Variants in TENT5D observed in about 807,000 individuals in gnomAD.
TENT5D encodes terminal nucleotidyltransferase 5D, also known as cancer/testis antigen 112.
For missense variants in TENT5D, 191 were observed against 287.0 expected (o/e 0.67, Z 2.42); for synonymous variants, 103 against 100.6 (o/e 1.02, Z -0.15).
chrX:80,426,872 G>A (rs1931997629), intron 1 of TENT5D, among the ~76,000 whole-genome samples: 1 of 111,671 alleles, frequency 9.0e-6, no homozygotes. Flanking sequence ...CACATGTTGT[G>A]GAAGTGACCC....
At chrX:80,336,951 G>T (rs1055426705) in intron 2 of TENT5D, among the ~76,000 whole-genome samples, 2 of 111,713 alleles carry the variant, frequency 1.8e-5, no homozygotes, top group African/African-American at 3.2e-5. Flanking sequence ...TTAAGAAGTG[G>T]TTTTTGTTTT....
chrX:80,366,208 A>AGTGTGTGTGTGT lies in TENT5D; in HGVS notation c.-142+23665_-142+23676dup, dbSNP rs3087109. Reference sequence around the variant, plus strand: ...AGAGAGAGAAAGAGAGAAGACAGGGAGTGTGTGTGTGTGTGTGTGTGTGTG... The same window carrying AGTGTGTGTGTGT: ...AGAGAGAGAAAGAGAGAAGACAGGGAGTGTGTGTGTGTGTGTGTGTGTGTGTGTGTGTGTGTG... On this transcript the variant is annotated intron_variant, in intron 3 of 4. Transcript: ENST00000538312. Among the ~76,000 whole-genome samples, 763 of 98,450 alleles carry AGTGTGTGTGTGT rather than the reference A, an allele frequency of 7.8e-3. 10 individuals carry two copies. The highest frequency in any genetic ancestry group is 0.038 in the East Asian group (115 of 3,049). The allele number at this position is 98,450 out of a possible 115,157, so 85.5% of individuals were successfully genotyped here.
At chrX:80,338,778 T>C (rs1446612728) in intron 2 of TENT5D, among the ~76,000 whole-genome samples, 1 of 112,254 alleles carries the variant, frequency 8.9e-6, no homozygotes, top group Non-Finnish European at 1.9e-5. Flanking sequence ...GTGTCATATT[T>C]CTCAAACTTT....
intron 1 of TENT5D, among the ~76,000 whole-genome samples, chrX:80,423,421 G>T (rs1008628865): frequency 7.2e-5 from 8 of 111,752 alleles, no homozygotes; most frequent in African/African-American, 9.8e-5. Flanking sequence ...AGACAGTGGG[G>T]CCCAAAGGGG....
intron 3 of TENT5D, among the ~76,000 whole-genome samples, chrX:80,405,457 A>T (rs1327698352): frequency 1.8e-5 from 2 of 112,937 alleles, no homozygotes; most frequent in East Asian, 2.8e-4. Flanking sequence ...GCAAGGGGTC[A>T]GGGAGTTCCC....
At chrX:80,372,004 C>A (rs929285080) in intron 3 of TENT5D, among the ~76,000 whole-genome samples, 3 of 111,208 alleles carry the variant, frequency 2.7e-5, no homozygotes, top group Non-Finnish European at 5.6e-5. Flanking sequence ...AAGACTAAAT[C>A]CTGAATGCCA....
chrX:80,404,855 G>T (rs186155129), intron 3 of TENT5D, among the ~76,000 whole-genome samples: 8 of 111,831 alleles, frequency 7.2e-5, no homozygotes, highest in African/African-American at 1.3e-4. Flanking sequence ...TTAATTTAAA[G>T]AATTTTTATA....
At chrX:80,358,908 A>C (rs905926632) in intron 3 of TENT5D, among the ~76,000 whole-genome samples, 27 of 112,204 alleles carry the variant, frequency 2.4e-4, no homozygotes, top group African/African-American at 8.7e-4. Flanking sequence ...ATAAGACTTA[A>C]AAGATTTGGA....
chrX:80,428,041 A>G (rs1369458064), intron 1 of TENT5D, among the ~76,000 whole-genome samples: 1 of 112,494 alleles, frequency 8.9e-6, no homozygotes, highest in African/African-American at 3.2e-5. Flanking sequence ...TAAGCTGAGC[A>G]CTTTTTAAGA....
At chrX:80,340,308 C>CA (rs929222707) in intron 2 of TENT5D, among the ~76,000 whole-genome samples, 22 of 110,840 alleles carry the variant, frequency 2.0e-4, no homozygotes, top group Non-Finnish European at 3.2e-4. Flanking sequence ...CAAAGCAAAA[C>CA]AAAAAAGGCT....
At chrX:80,358,499 A>G (rs754204930) in intron 3 of TENT5D, among the ~76,000 whole-genome samples, 1 of 112,566 alleles carries the variant, frequency 8.9e-6, no homozygotes, top group African/African-American at 3.2e-5. Flanking sequence ...GTGATCAGAC[A>G]CTTCACAAAG....
chrX:80,376,513 C>G (rs1930730873), intron 3 of TENT5D, among the ~76,000 whole-genome samples: 1 of 111,290 alleles, frequency 9.0e-6, no homozygotes, highest in Non-Finnish European at 1.9e-5. Context: ...TTAAATTTAA[C>G]AGAATGTGCA....
At position 80,357,275 on chromosome X, in the gene TENT5D, C is replaced by A. The variant is rs1160507301; in HGVS notation, c.-142+14711C>A. 1.8e-5 allele frequency among the ~76,000 whole-genome samples: 2 copies of A among 110,223 alleles called. 1 individual carries two copies. The highest frequency in any genetic ancestry group is 3.8e-5 in the Non-Finnish European group (2 of 52,803). On this transcript the variant is annotated intron_variant, in intron 3 of 4. Transcript: ENST00000538312. Reference sequence around the variant, plus strand: ...GATTTATAATCCTTTGGGTATATACCCAGTAATGGGATGGCTGGGTCAAAT... The same window carrying A: ...GATTTATAATCCTTTGGGTATATACACAGTAATGGGATGGCTGGGTCAAAT...
intron 3 of TENT5D, among the ~76,000 whole-genome samples, chrX:80,381,855 A>G (rs1408426407): frequency 1.8e-5 from 2 of 111,668 alleles, no homozygotes; most frequent in African/African-American, 6.5e-5. Flanking sequence ...TTAGCCATTC[A>G]TCTAATCTTT....
At chrX:80,430,993 G>A (rs1408762494) in intron 1 of TENT5D, among the ~76,000 whole-genome samples, 1 of 111,529 alleles carries the variant, frequency 9.0e-6, no homozygotes, top group East Asian at 2.8e-4. Context: ...CTTTAACAGA[G>A]GGAGTGTTTT....
chrX:80,365,074 G>A (rs1004259037), intron 3 of TENT5D, among the ~76,000 whole-genome samples: 1 of 110,358 alleles, frequency 9.1e-6, no homozygotes, highest in Admixed American at 9.7e-5. Flanking sequence ...GTTTCTTTCT[G>A]GTATGGAGAT....
At chrX:80,403,276 G>C (rs1407362234) in intron 3 of TENT5D, among the ~76,000 whole-genome samples, 1 of 111,698 alleles carries the variant, frequency 9.0e-6, no homozygotes, top group African/African-American at 3.2e-5. Flanking sequence ...TTTTTCTTAA[G>C]GTTTAAAAAA....
chrX:80,423,234 G>C (rs926744365), intron 1 of TENT5D, among the ~76,000 whole-genome samples: 1 of 112,102 alleles, frequency 8.9e-6, no homozygotes, highest in African/African-American at 3.2e-5. Context: ...AGAGTAGGAA[G>C]GGGAAGTAGT....
chrX:80,352,140 A>G (rs753695159), intron 3 of TENT5D, among the ~76,000 whole-genome samples: 15 of 112,256 alleles, frequency 1.3e-4, no homozygotes, highest in South Asian at 3.7e-4. Flanking sequence ...GACCCACTTG[A>G]GGAGGCAGTC....
Sources: gnomAD v4.1 joint callset for allele counts (sites outside exome capture counted in the v4.1 genomes callset) on GRCh38, gnomAD v4.1.1 for gene constraint, MANE v1.5 for transcripts, NCBI Gene and HGNC (gene_info 2026-07-23, HGNC 2026-07-21) for gene names.